Variants in ANO4 observed in about 807,000 individuals in gnomAD.
ANO4 encodes the protein anoctamin-4.
Under a neutral mutation model 141.9 loss-of-function variants are expected in ANO4, and 69 were observed. The ratio of observed to expected loss-of-function variants is 0.49; its 90% confidence interval spans 0.40 to 0.59. The LOEUF is 0.59. Among genes scored for constraint, ANO4 ranks in the 20% least tolerant of loss-of-function variants. The pLI is 0.00. For synonymous variants in ANO4, 350 were observed against 394.3 expected (o/e 0.89, Z 1.33); for missense variants, 894 against 1,162.2 (o/e 0.77, Z 3.36).
intron 1 of ANO4, among the ~76,000 whole-genome samples, chr12:100,876,278 C>T (rs867052667): frequency 7.6e-5 from 7 of 91,954 alleles, no homozygotes; most frequent in Admixed American, 3.5e-4. Context: ...ATATAAAGAC[C>T]AAAAAAAAAA....
chr12:100,959,423 C>G (rs899749388), intron 5 of ANO4, among the ~76,000 whole-genome samples: 4 of 152,168 alleles, frequency 2.6e-5, no homozygotes, highest in African/African-American at 9.7e-5. Flanking sequence ...ATACTCTCCT[C>G]TAATGACCAC....
chr12:101,114,503 C>A (rs200001627), intron 24 of ANO4, among the ~76,000 whole-genome samples: 1 of 152,070 alleles, frequency 6.6e-6, no homozygotes, highest in East Asian at 1.9e-4. Context: ...TGCATTAGGT[C>A]CATGAAACAG....
intron 1 of ANO4, among the ~76,000 whole-genome samples, chr12:100,809,386 C>CAAAAAA (rs113154732): frequency 7.3e-6 from 1 of 137,426 alleles, no homozygotes; most frequent in African/African-American, 2.7e-5. Context: ...GATTCTGTCT[C>CAAAAAA]AAAAAAAAAA....
chr12:100,744,459 G>A (rs943354953), intron 3 of ANO4, among the ~76,000 whole-genome samples: 1 of 152,096 alleles, frequency 6.6e-6, no homozygotes, highest in Non-Finnish European at 1.5e-5. Flanking sequence ...GAATGAGAGC[G>A]AGCTGGCCCT....
chr12:100,729,360 C>CAAAAAAAAA (rs1156522144), intron 1 of ANO4, among the ~76,000 whole-genome samples: 244 of 22,568 alleles, frequency 0.011, 39 homozygotes, highest in South Asian at 0.02. Context: ...AACTCTGTCT[C>CAAAAAAAAA]AAAAAAAAAA....
chr12:100,791,614 A>G (rs1261639623), upstream of ANO4, among the ~76,000 whole-genome samples: 2 of 152,224 alleles, frequency 1.3e-5, no homozygotes, highest in Non-Finnish European at 2.9e-5. Context: ...ATCCAAATTC[A>G]TGTAACATGG....
chr12:101,077,613 T>C (rs1310967967), intron 14 of ANO4, among the ~76,000 whole-genome samples: 1 of 152,188 alleles, frequency 6.6e-6, no homozygotes, highest in Admixed American at 6.5e-5. Flanking sequence ...TTTCAGATTT[T>C]AGGAAGGCAC....
chr12:100,891,935 T>C (rs1258287373), intron 1 of ANO4, among the ~76,000 whole-genome samples: 1 of 152,206 alleles, frequency 6.6e-6, no homozygotes, highest in Non-Finnish European at 1.5e-5. Context: ...CAGCTTTTGG[T>C]AACCGCCATT....
At chr12:100,873,453 G>C (rs1381312868) in intron 1 of ANO4, among the ~76,000 whole-genome samples, 1 of 152,200 alleles carries the variant, frequency 6.6e-6, no homozygotes, top group Non-Finnish European at 1.5e-5. Flanking sequence ...TTGGGAACTG[G>C]AGCAAAGGTC....
At position 100,864,911 on chromosome 12, in the gene ANO4, C is replaced by T. The variant is rs11110565; in HGVS notation, c.-140-36735C>T. Reference sequence around the variant, plus strand: ...GTCCATGTGTCCTCATTGTTCAACTCCCACTTATGAGTGAGAACATGCAGT... The same window carrying T: ...GTCCATGTGTCCTCATTGTTCAACTTCCACTTATGAGTGAGAACATGCAGT... On this transcript the variant is annotated intron_variant, in intron 1 of 27. Coordinates refer to ENST00000392977, the MANE Select transcript of ANO4 (RefSeq NM_001286615.2). Among the ~76,000 whole-genome samples the T allele has an allele frequency of 3.1e-3, 467 of 152,224 alleles. 24 individuals are homozygous for T. In the East Asian group the frequency reaches 0.084, roughly 27 times the overall value.
chr12:100,892,702 C>T (rs1000873729), intron 1 of ANO4, among the ~76,000 whole-genome samples: 1 of 152,058 alleles, frequency 6.6e-6, no homozygotes, highest in African/African-American at 2.4e-5. Context: ...CTTATAATAC[C>T]CAGTACAATG....
intron 8 of ANO4, among the ~76,000 whole-genome samples, chr12:101,018,530 G>C (rs1176423992): frequency 6.6e-6 from 1 of 152,098 alleles, no homozygotes; most frequent in Non-Finnish European, 1.5e-5. Flanking sequence ...TTCCAGCCCT[G>C]TTTCCAAACC....
Position 101,120,466 on chromosome 12 carries a change from T to G in ANO4, c.2571-54T>G, listed in dbSNP as rs186694444. The G allele has an allele frequency of 2.0e-6, 3 of 1,473,038 alleles. No homozygotes were observed. In the African/African-American group the frequency reaches 4.2e-5, roughly 20 times the overall value. 91.2% of individuals were successfully genotyped at this position (1,473,038 alleles called of 1,614,324 possible). ...ACTATATAATGAGAATGGAAGAGAT[T>G]TGAGAATCAGAAAAATCATAGTTTG... On this transcript the variant is annotated intron_variant, in intron 25 of 27. Coordinates refer to ENST00000392977, the MANE Select transcript of ANO4 (RefSeq NM_001286615.2).
intron 14 of ANO4, among the ~76,000 whole-genome samples, chr12:101,072,252 C>T (rs1335648344): frequency 6.6e-6 from 1 of 152,106 alleles, no homozygotes; most frequent in East Asian, 1.9e-4. Context: ...ATAAAGAGAG[C>T]ACAGGGAAGA....
chr12:100,928,030 G>T (rs1384651577), intron 3 of ANO4, among the ~76,000 whole-genome samples: 3 of 152,050 alleles, frequency 2.0e-5, no homozygotes, highest in Admixed American at 6.6e-5. Context: ...ATACTTTTGT[G>T]GCTGAGGAGA....
At chr12:101,062,405 G>A (rs7971130) in intron 14 of ANO4, among the ~76,000 whole-genome samples, 65,774 of 152,046 alleles carry the variant, frequency 0.43, 14,820 homozygotes, top group African/African-American at 0.57. Flanking sequence ...AGCAGAGCTC[G>A]AGCACTGTGC....
chr12:101,011,544 A>G (rs939739177), intron 8 of ANO4, among the ~76,000 whole-genome samples: 1 of 152,126 alleles, frequency 6.6e-6, no homozygotes, highest in Non-Finnish European at 1.5e-5. Flanking sequence ...TGTGAGCCAG[A>G]GACCTGTGAA....
At chr12:101,039,671 G>A (rs1027569989) in intron 10 of ANO4, among the ~76,000 whole-genome samples, 1 of 152,128 alleles carries the variant, frequency 6.6e-6, no homozygotes, top group Non-Finnish European at 1.5e-5. Flanking sequence ...GAGCATTTAG[G>A]GAACTTGCCC....
chr12:101,103,690 G>A lies in ANO4; in HGVS notation c.2149+3970G>A, dbSNP rs143261042. 9.5e-4 allele frequency among the ~76,000 whole-genome samples: 145 copies of A among 151,850 alleles called. 2 individuals carry two copies. In the East Asian group the frequency reaches 0.02, roughly 21 times the overall value. On this transcript the variant is annotated intron_variant, in intron 22 of 27. Coordinates refer to ENST00000392977, the MANE Select transcript of ANO4 (RefSeq NM_001286615.2). ...ATACATTCATGGAAGATATTATAGTGTAGTTTTTCTTTCTTGTAACGTTTC... is the reference window on the plus strand; with the variant it reads ...ATACATTCATGGAAGATATTATAGTATAGTTTTTCTTTCTTGTAACGTTTC...
Sources: allele counts gnomAD v4.1 joint callset (sites outside exome capture counted in the v4.1 genomes callset), GRCh38; gene constraint gnomAD v4.1.1; transcripts MANE v1.5; gene names NCBI Gene and HGNC (gene_info 2026-07-23, HGNC 2026-07-21).